The following ADSS2 variants were observed in gnomAD, a reference collection of about 807,000 sequenced individuals.
The protein encoded by ADSS2 is adenylosuccinate synthetase isozyme 2.
In ADSS2, 30 loss-of-function variants were observed where a neutral mutation model predicts 60.0. That is an observed-to-expected ratio of 0.50 (90% CI 0.37 to 0.68). The LOEUF (loss-of-function observed/expected upper bound fraction) is 0.68. ADSS2 is among the 30% of genes least tolerant of loss of function. ADSS2 has a pLI of 0.00. For missense variants in ADSS2, 373 were observed against 554.8 expected, an observed-to-expected ratio of 0.67 and a Z score of 3.29; for synonymous variants, 187 against 193.1, an observed-to-expected ratio of 0.97 and a Z score of 0.26.
intron 1 of ADSS2, among the ~76,000 whole-genome samples, chr1:244,439,516 G>C (rs1397819573): frequency 6.6e-6 from 1 of 152,118 alleles, no homozygotes; most frequent in African/African-American, 2.4e-5. Flanking sequence ...ACTGTGGCTG[G>C]GATCCAAACT....
At position 244,451,314 on chromosome 1, in the gene ADSS2, G is replaced by A. The variant is rs575994900; in HGVS notation, c.183+321C>T. On this transcript the variant is annotated intron_variant, in intron 1 of 12. Coordinates refer to ENST00000366535, the MANE Select transcript of ADSS2 (RefSeq NM_001126.5). The surrounding 1 kb of genome is among the most constrained non-coding windows in gnomAD (Gnocchi z 6.6). Reference sequence around the variant, plus strand: ...TCGGACCGCATCCCACCTCCACCCCGGCCTCAGTCCCGGCGCTGAGCACCA... The same window carrying A: ...TCGGACCGCATCCCACCTCCACCCCAGCCTCAGTCCCGGCGCTGAGCACCA... 2.6e-5 allele frequency among the ~76,000 whole-genome samples: 4 copies of A among 152,114 alleles called. No homozygotes were observed. The highest frequency in any genetic ancestry group is 5.9e-5 in the Non-Finnish European group (4 of 68,022).
intron 11 of ADSS2, among the ~76,000 whole-genome samples, chr1:244,415,272 C>T (rs920191395): frequency 6.6e-6 from 1 of 152,182 alleles, no homozygotes; most frequent in Non-Finnish European, 1.5e-5. Flanking sequence ...ATAACATATA[C>T]TGGAACAGCC....
chr1:244,436,138 C>T (rs1363039640), intron 3 of ADSS2, among the ~76,000 whole-genome samples: 9 of 152,208 alleles, frequency 5.9e-5, no homozygotes. Context: ...GGGTATGGAA[C>T]TTTCCACTTG....
intron 9 of ADSS2, among the ~76,000 whole-genome samples, chr1:244,418,432 C>A (rs1249256282): frequency 6.6e-6 from 1 of 152,168 alleles, no homozygotes; most frequent in Non-Finnish European, 1.5e-5. Context: ...AGTGATCCTC[C>A]TACTCAGCTT....
rs934118468 is a variant in ADSS2 at position 244,418,993 on chromosome 1, G to C, written c.791-79C>G. ...AAAACAGAATTACCGTTACAATTCTGCATTTGAGTATATTATAGGTATCTA... is the reference window on the plus strand; with the variant it reads ...AAAACAGAATTACCGTTACAATTCTCCATTTGAGTATATTATAGGTATCTA... On this transcript the variant is annotated intron_variant, in intron 8 of 12. Coordinates refer to ENST00000366535, the MANE Select transcript of ADSS2 (RefSeq NM_001126.5). 18 of 1,300,198 alleles carry C rather than the reference G, an allele frequency of 1.4e-5. No individual in the cohort carries two copies. The Admixed American group carries it at 4.6e-4, about 33-fold the overall frequency. The allele number at this position is 1,300,198 out of a possible 1,614,324, so 80.5% of individuals were successfully genotyped here. A position where few individuals can be genotyped will look rare whatever the true frequency, so the allele number is the denominator to read the frequency against.
chr1:244,429,284 A>G (rs946665033), intron 4 of ADSS2, among the ~76,000 whole-genome samples: 2 of 152,234 alleles, frequency 1.3e-5, no homozygotes, highest in East Asian at 3.8e-4. Flanking sequence ...ACTACGCTCC[A>G]TATCACCCAG....
intron 8 of ADSS2, 90 bp from the exon 9 acceptor site, chr1:244,419,004 T>C (rs1006693241): frequency 1.3e-5 from 16 of 1,194,084 alleles, no homozygotes; most frequent in Non-Finnish European, 1.9e-5. Context: ...CATTTGAGTA[T>C]ATTATAGGTA....
chr1:244,435,898 C>T (rs1665088452), intron 3 of ADSS2, among the ~76,000 whole-genome samples: 1 of 152,240 alleles, frequency 6.6e-6, no homozygotes, highest in South Asian at 2.1e-4. Context: ...ACGAAGCAGG[C>T]TTCCAGTCTC....
At position 244,451,603 on chromosome 1, in the gene ADSS2, C is replaced by G; in HGVS notation, c.183+32G>C. ...AGCCAGGCAGCCCGAGCTCCCGGGC[C>G]CGGCTTCCCATGAGAGGCCCCGTCG... On this transcript the variant is annotated intron_variant, in intron 1 of 12. Coordinates refer to ENST00000366535, the MANE Select transcript of ADSS2 (RefSeq NM_001126.5). The surrounding 1 kb of genome is among the most constrained non-coding windows in gnomAD (Gnocchi z 6.6). 1 of 1,580,742 alleles carries G rather than the reference C, an allele frequency of 6.3e-7. No individual in the cohort carries two copies. The highest frequency in any genetic ancestry group is 8.6e-7 in the Non-Finnish European group (1 of 1,163,238).
chr1:244,435,952 C>T (rs1665090680), intron 3 of ADSS2, among the ~76,000 whole-genome samples: 1 of 152,144 alleles, frequency 6.6e-6, no homozygotes, highest in Non-Finnish European at 1.5e-5. Context: ...TTGGCACATC[C>T]AGCTAGTACA....
rs1572155242 is a variant in ADSS2 at position 244,451,487 on chromosome 1, C to T, written c.183+148G>A. ...ACCTCCCGCCATTTCTCCACGTAGC[C>T]GCAGCTCAGGACAGGAGGAGAGAGC... On this transcript the variant is annotated intron_variant, in intron 1 of 12. Transcript: ENST00000366535. This position sits in a 1 kb window ranked among gnomAD's most constrained non-coding sequence, Gnocchi z 6.6. 1 of 865,128 alleles carries T rather than the reference C, an allele frequency of 1.2e-6. No homozygotes were observed. Among genetic ancestry groups the T allele is most frequent in the Non-Finnish European group, 1.7e-6 (1 of 594,686 alleles). The allele number at this position is 865,128 out of a possible 1,614,324, so 53.6% of individuals were successfully genotyped here. A position where few individuals can be genotyped will look rare whatever the true frequency, so the allele number is the denominator to read the frequency against.
At position 244,451,638 on chromosome 1, in the gene ADSS2, G is replaced by A. The variant is rs534306896; in HGVS notation, c.180C>T (p.Cys60=). 2 of 1,608,992 alleles carry A rather than the reference G, an allele frequency of 1.2e-6. No homozygotes were observed. The highest frequency in any genetic ancestry group is 2.2e-5 in the East Asian group (1 of 44,696). Residue 60 remains cysteine, a synonymous_variant, in exon 1 of 13, where the codon TGC becomes TGT. Coordinates refer to ENST00000366535, the MANE Select transcript of ADSS2 (RefSeq NM_001126.5). The surrounding 1 kb of genome is among the most constrained non-coding windows in gnomAD (Gnocchi z 6.6). ...LAQDADIVCR[C]QGGNNAGHTV... is the part of the protein sequence containing the mutation. ...ATGAGAGGCCCCGTCGCCTCACCTG[G>A]CAGCGGCACACGATGTCGGCGTCCT...
chr1:244,415,290 C>T (rs548062816), intron 11 of ADSS2, among the ~76,000 whole-genome samples: 1 of 152,254 alleles, frequency 6.6e-6, no homozygotes, highest in South Asian at 2.1e-4. Flanking sequence ...GCCAGTTTTC[C>T]AAGTGAATAT....
In ADSS2 at chr1:244,451,632, C is replaced by T. The variant is rs1192787325; in HGVS notation, c.183+3G>A. 6.8e-6 allele frequency: 11 copies of T among 1,607,892 alleles called. No homozygotes were observed. Among genetic ancestry groups the T allele is most frequent in the Non-Finnish European group, 9.3e-6 (11 of 1,177,012 alleles). ...CTTCCCATGAGAGGCCCCGTCGCCT[C>T]ACCTGGCAGCGGCACACGATGTCGG... On this transcript the variant is annotated splice_donor_region_variant and intron_variant, in intron 1 of 12. Coordinates refer to ENST00000366535, the MANE Select transcript of ADSS2 (RefSeq NM_001126.5). The surrounding 1 kb of genome is among the most constrained non-coding windows in gnomAD (Gnocchi z 6.6).
Position 244,418,842 on chromosome 1 carries a change from T to C in ADSS2, c.863A>G (p.Gln288Arg). Residue 288 changes from glutamine to arginine, a missense_variant, in exon 9 of 13, where the codon CAA (glutamine) becomes CGA (arginine). Coordinates refer to ENST00000366535, the MANE Select transcript of ADSS2 (RefSeq NM_001126.5). ...GVCTGLGMPP[Q>R]NVGEVYGVVK... The stretch of plus-strand genomic sequence containing the variant: ...AACTCCATACACTTCTCCAACATTT[T>C]GAGGTGGCATACCCAAACCAGTACA... 6.2e-7 allele frequency: 1 copy of C among 1,614,024 alleles called. No individual in the cohort carries two copies. Among genetic ancestry groups the C allele is most frequent in the Non-Finnish European group, 8.5e-7 (1 of 1,179,932 alleles).
At position 244,409,248 on chromosome 1, in the gene ADSS2, T is replaced by A. The variant is rs944413169; in HGVS notation, c.*338A>T. The A allele has an allele frequency of 5.2e-6, 1 of 192,054 alleles. No homozygotes were observed. The highest frequency in any genetic ancestry group is 2.3e-5 in the African/African-American group (1 of 42,834). The allele number at this position is 192,054 out of a possible 1,614,324, so 11.9% of individuals were successfully genotyped here. On this transcript the variant is annotated 3_prime_UTR_variant, in exon 13 of 13. Coordinates refer to ENST00000366535, the MANE Select transcript of ADSS2 (RefSeq NM_001126.5). Reference sequence around the variant, plus strand: ...AGGGGTAAAACTTAAGAACACGCAATGACAATAATGAAGAAAAACTACATT... The same window carrying A: ...AGGGGTAAAACTTAAGAACACGCAAAGACAATAATGAAGAAAAACTACATT...
In ADSS2 at chr1:244,415,897, A is replaced by G. The variant is rs375131421; in HGVS notation, c.1168+84T>C. 66 of 1,034,072 alleles carry G rather than the reference A, an allele frequency of 6.4e-5. 1 individual carries two copies. In the South Asian group the frequency reaches 9.3e-4, roughly 15 times the overall value. 64.1% of individuals were successfully genotyped at this position (1,034,072 alleles called of 1,614,324 possible). A position where few individuals can be genotyped will look rare whatever the true frequency, so the allele number is the denominator to read the frequency against. On this transcript the variant is annotated intron_variant, in intron 11 of 12. Transcript: ENST00000366535. ...CATATCAAACCTGTCGCTATCTATCACAAATTATATGGAAGAGCTTTATGA... is the reference window on the plus strand; with the variant it reads ...CATATCAAACCTGTCGCTATCTATCGCAAATTATATGGAAGAGCTTTATGA...
chr1:244,418,617 A>G, intron 9 of ADSS2, 143 bp downstream of exon 9: 1 of 864,828 alleles, frequency 1.2e-6, no homozygotes, highest in Non-Finnish European at 1.7e-6. Context: ...CACCACGTCC[A>G]GCCAAAATTA....
intron 4 of ADSS2, among the ~76,000 whole-genome samples, chr1:244,427,059 A>C (rs1408516626): frequency 1.3e-5 from 2 of 152,180 alleles, no homozygotes; most frequent in Non-Finnish European, 2.9e-5. Flanking sequence ...TTTCATATTT[A>C]AATTTTAAGT....
Sources: gnomAD v4.1 joint callset for allele counts (sites outside exome capture counted in the v4.1 genomes callset) on GRCh38, gnomAD v4.1.1 for gene constraint, Gnocchi (gnomAD v3.1) non-coding constraint, MANE v1.5 for transcripts, NCBI Gene and HGNC (gene_info 2026-07-23, HGNC 2026-07-21) for gene names.